WBP2NL: variants seen among roughly 807,000 people sequenced by gnomAD.
WBP2NL encodes the protein postacrosomal sheath WW domain-binding protein.
WBP2NL carries 27 observed loss-of-function variants against 23.3 expected under a neutral mutation model. The ratio of observed to expected loss-of-function variants is 1.16; its 90% CI spans 0.85 to 1.60. WBP2NL has a LOEUF of 1.60. Ranked by LOEUF, WBP2NL falls within the 40% of genes most tolerant of loss-of-function variation. The pLI is 0.00. For synonymous variants in WBP2NL, 151 were observed against 145.9 expected, an observed-to-expected ratio of 1.03 and a Z score of -0.25; for missense variants, 370 against 389.5, an observed-to-expected ratio of 0.95 and a Z score of 0.42.
chr22:42,017,738 A>G (rs903764877), intron 1 of WBP2NL, among the ~76,000 whole-genome samples: 5 of 152,092 alleles, frequency 3.3e-5, no homozygotes, highest in Non-Finnish European at 7.4e-5. Context: ...GGGACTGGGT[A>G]TGGTGGCGCA....
At chr22:42,057,826 CATATATAT>C (rs3045495) in intron 8 of WBP2NL, among the ~76,000 whole-genome samples, 20 of 98,154 alleles carry the variant, frequency 2.0e-4, no homozygotes, top group South Asian at 6.7e-4. Context: ...GTATTAAGGT[CATATATAT>C]ATATATATAT....
At chr22:42,020,868 GTATATA>G (rs1335645142) in intron 4 of WBP2NL, among the ~76,000 whole-genome samples, 42 of 15,228 alleles carry the variant, frequency 2.8e-3, no homozygotes, top group South Asian at 8.1e-3. Flanking sequence ...GTGTGTGTGT[GTATATA>G]TATATATATA....
intron 1 of WBP2NL, among the ~76,000 whole-genome samples, chr22:41,999,897 A>G (rs1921430596): frequency 6.6e-6 from 1 of 152,204 alleles, no homozygotes; most frequent in Admixed American, 6.5e-5. Flanking sequence ...TCTCTACTGG[A>G]GCAGACTCAG....
intron 8 of WBP2NL, among the ~76,000 whole-genome samples, chr22:42,049,412 C>T (rs905857911): frequency 6.6e-6 from 1 of 151,998 alleles, no homozygotes; most frequent in African/African-American, 2.4e-5. Flanking sequence ...CATAGGAGGC[C>T]GGGCACGGTG....
At chr22:42,024,883 A>G (rs557288861) in intron 5 of WBP2NL, among the ~76,000 whole-genome samples, 1 of 150,896 alleles carries the variant, frequency 6.6e-6, no homozygotes, top group South Asian at 2.1e-4. Flanking sequence ...GCTCACTGCA[A>G]TCTCTGCCTC....
At chr22:42,047,150 G>A (rs1001237442) in intron 8 of WBP2NL, among the ~76,000 whole-genome samples, 3 of 150,546 alleles carry the variant, frequency 2.0e-5, no homozygotes, top group Admixed American at 1.3e-4. Flanking sequence ...TCCATTAGTT[G>A]TATCTGATGG....
intron 5 of WBP2NL, among the ~76,000 whole-genome samples, chr22:42,024,320 G>A (rs189812065): frequency 3.3e-5 from 5 of 152,062 alleles, no homozygotes; most frequent in African/African-American, 7.2e-5. Context: ...AATTTTCTAC[G>A]TAGACATATG....
chr22:42,023,789 C>T (rs1924209527), intron 5 of WBP2NL, among the ~76,000 whole-genome samples: 1 of 152,080 alleles, frequency 6.6e-6, no homozygotes, highest in South Asian at 2.1e-4. Flanking sequence ...GCCACCACAC[C>T]CAGCCCCTGC....
At chr22:42,030,353 TC>T (rs1924859104), downstream of WBP2NL, among the ~76,000 whole-genome samples, 2 of 152,362 alleles carry the variant, frequency 1.3e-5, no homozygotes, top group South Asian at 4.1e-4. Flanking sequence ...AGACCATTCT[TC>T]CTTCCATTCC....
chr22:42,027,512 A>G lies in WBP2NL; in HGVS notation c.*331A>G. The G allele has an allele frequency of 6.2e-6, 2 of 324,674 alleles. No homozygotes were observed. The highest frequency in any genetic ancestry group is 9.2e-5 in the South Asian group (1 of 10,852). The allele number at this position is 324,674 out of a possible 1,614,324, so 20.1% of individuals were successfully genotyped here. A position where few individuals can be genotyped will look rare whatever the true frequency, so the allele number is the denominator to read the frequency against. On this transcript the variant is annotated 3_prime_UTR_variant, in exon 6 of 6. Coordinates refer to ENST00000328823, the MANE Select transcript of WBP2NL (RefSeq NM_152613.3). The stretch of plus-strand genomic sequence containing the variant: ...TCCTGTCTTCCCATCCTCATTCAAG[A>G]AACATTTATTATGCTCCGTTTGCTA...
downstream of WBP2NL, among the ~76,000 whole-genome samples, chr22:42,033,507 G>T (rs372543751): frequency 6.6e-6 from 1 of 152,206 alleles, no homozygotes; most frequent in Non-Finnish European, 1.5e-5. Context: ...GAGGTGCACA[G>T]ACAAGTAGAG....
intron 1 of WBP2NL, chr22:42,001,724 G>T: frequency 1.7e-6 from 2 of 1,211,996 alleles, no homozygotes; most frequent in Non-Finnish European, 1.2e-6. Flanking sequence ...CTGGGTGGGG[G>T]AAGTATCTGA....
intron 8 of WBP2NL, among the ~76,000 whole-genome samples, chr22:42,046,407 T>G (rs1302600803): frequency 1.3e-5 from 2 of 152,240 alleles, no homozygotes; most frequent in Non-Finnish European, 2.9e-5. Context: ...AATGGATTCC[T>G]ATAATGGGAG....
At position 42,019,828 on chromosome 22, in the gene WBP2NL, A is replaced by T. The variant is rs1569449604; in HGVS notation, c.313+25A>T. 4 of 1,599,222 alleles carry T rather than the reference A, an allele frequency of 2.5e-6. 1 individual carries two copies. In the Admixed American group the frequency reaches 5.2e-5, roughly 21 times the overall value. On this transcript the variant is annotated intron_variant, in intron 3 of 5. Transcript: ENST00000328823. ...GGTAAGTGTTCCCTCAGAAGTGTGTATTTTTTTTTCCCTCAAAATCTTCTA... is the reference window on the plus strand; with the variant it reads ...GGTAAGTGTTCCCTCAGAAGTGTGTTTTTTTTTTTCCCTCAAAATCTTCTA...
chr22:42,034,881 C>T (rs1019582262), downstream of WBP2NL, among the ~76,000 whole-genome samples: 1 of 152,236 alleles, frequency 6.6e-6, no homozygotes, highest in African/African-American at 2.4e-5. Flanking sequence ...GGTTATCTCT[C>T]TTATTCCCTG....
intron 1 of WBP2NL, among the ~76,000 whole-genome samples, chr22:42,018,713 C>T (rs1923579117): frequency 6.6e-6 from 1 of 151,808 alleles, no homozygotes; most frequent in Admixed American, 6.6e-5. Flanking sequence ...ACTTACCGCA[C>T]AAGAAGTATA....
At chr22:42,008,865 G>A (rs1428331451) in intron 1 of WBP2NL, among the ~76,000 whole-genome samples, 2 of 152,070 alleles carry the variant, frequency 1.3e-5, no homozygotes, top group Admixed American at 1.3e-4. Context: ...TGCAAGCTCC[G>A]CCTCCCAGGT....
At chr22:42,025,895 A>T (rs1237350432) in intron 5 of WBP2NL, among the ~76,000 whole-genome samples, 1 of 152,230 alleles carries the variant, frequency 6.6e-6, no homozygotes, top group Non-Finnish European at 1.5e-5. Context: ...ATGATGAAAT[A>T]TTATCCAGCT....
Position 42,047,613 on chromosome 22 carries a change from C to A in WBP2NL, c.*274-10677C>A, listed in dbSNP as rs903469452. ...AAAACCCCCCGCCTCCCAAAAAAAA[C>A]CAATCAAATTTTTTTTTTTTTTTTT... On this transcript the variant is annotated intron_variant and NMD_transcript_variant, in intron 8 of 8. Transcript: ENST00000436265. Among the ~76,000 whole-genome samples the A allele has an allele frequency of 2.5e-4, 35 of 141,668 alleles. 1 individual carries two copies. Among genetic ancestry groups the A allele is most frequent in the Non-Finnish European group, 1.1e-4 (7 of 66,254 alleles). 92.9% of individuals were successfully genotyped at this position (141,668 alleles called of 152,430 possible).
Sources: allele counts gnomAD v4.1 joint callset (sites outside exome capture counted in the v4.1 genomes callset), GRCh38; gene constraint gnomAD v4.1.1; transcripts MANE v1.5; gene names NCBI Gene and HGNC (gene_info 2026-07-23, HGNC 2026-07-21).